Variants in EXOC6 observed in about 807,000 individuals in gnomAD.
EXOC6 encodes SEC15-like 1.
Under a neutral mutation model 112.5 loss-of-function variants are expected in EXOC6, and 60 were observed. That is an observed-to-expected ratio of 0.53 (90% CI 0.43 to 0.66). EXOC6 has a LOEUF of 0.66. Among genes scored for constraint, EXOC6 ranks in the 30% least tolerant of loss-of-function variants. EXOC6 has a pLI of 0.00. For synonymous variants in EXOC6, 295 were observed against 308.0 expected (o/e 0.96, Z 0.44); for missense variants, 855 against 957.1 (o/e 0.89, Z 1.41).
At chr10:93,052,425 T>G (rs1846340853) in intron 20 of EXOC6, among the ~76,000 whole-genome samples, 1 of 152,232 alleles carries the variant, frequency 6.6e-6, no homozygotes, top group African/African-American at 2.4e-5. Flanking sequence ...ACCACCCATG[T>G]AACACTTCTT....
intron 19 of EXOC6, among the ~76,000 whole-genome samples, chr10:93,003,739 A>G (rs1843858586): frequency 6.6e-6 from 1 of 152,172 alleles, no homozygotes; most frequent in African/African-American, 2.4e-5. Context: ...AATATGTATT[A>G]TGTGTAGAGA....
chr10:93,041,694 G>C (rs565803871), intron 20 of EXOC6, among the ~76,000 whole-genome samples: 46 of 152,070 alleles, frequency 3.0e-4, no homozygotes, highest in Admixed American at 4.6e-4. Flanking sequence ...GATTACAGGC[G>C]TGAGCCACCG....
chr10:93,027,460 T>C (rs1265509521), intron 20 of EXOC6, among the ~76,000 whole-genome samples: 1 of 152,242 alleles, frequency 6.6e-6, no homozygotes, highest in Non-Finnish European at 1.5e-5. Context: ...AGGTATCAAC[T>C]ATGACTTTCA....
Position 93,015,603 on chromosome 10 carries a change from C to G in EXOC6, c.2169+1336C>G, listed in dbSNP as rs1180782039. On this transcript the variant is annotated intron_variant, in intron 20 of 21. Coordinates refer to ENST00000260762, the MANE Select transcript of EXOC6 (RefSeq NM_019053.6). ...AAAAAATTAGCTGTGCGTGGTGGCACATGCCTGTAGTCCCAGCTACTGGGG... is the reference window on the plus strand; with the variant it reads ...AAAAAATTAGCTGTGCGTGGTGGCAGATGCCTGTAGTCCCAGCTACTGGGG... Among the ~76,000 whole-genome samples the G allele has an allele frequency of 5.3e-5, 8 of 152,242 alleles. No individual in the cohort carries two copies. In the East Asian group the frequency reaches 9.7e-4, roughly 18 times the overall value.
At chr10:92,875,317 T>A (rs1005130729) in intron 1 of EXOC6, among the ~76,000 whole-genome samples, 16 of 152,182 alleles carry the variant, frequency 1.1e-4, no homozygotes, top group Admixed American at 9.2e-4. Context: ...ATTCTCCTAT[T>A]TCCTCCACGA....
At chr10:92,884,426 C>A (rs573552255) in intron 1 of EXOC6, among the ~76,000 whole-genome samples, 1 of 152,276 alleles carries the variant, frequency 6.6e-6, no homozygotes, top group Non-Finnish European at 1.5e-5. Flanking sequence ...ATTTTAATGG[C>A]AATTGCTCTA....
intron 1 of EXOC6, among the ~76,000 whole-genome samples, chr10:92,842,360 GAAAAAAAAA>G (rs34778339): frequency 9.3e-6 from 1 of 107,138 alleles, no homozygotes; most frequent in African/African-American, 3.5e-5. Flanking sequence ...CTCTGTCTCA[GAAAAAAAAA>G]AAAAAAAAAG....
intron 20 of EXOC6, among the ~76,000 whole-genome samples, chr10:93,022,978 T>G (rs835259): frequency 0.64 from 95,508 of 149,668 alleles, 33,262 homozygotes; most frequent in East Asian, 0.99. Context: ...TTGGGGTTCT[T>G]CACTTTTCCT....
chr10:92,919,845 A>G (rs193272855), intron 7 of EXOC6, 137 bp from the exon 8 acceptor site: 154 of 538,706 alleles, frequency 2.9e-4, no homozygotes, highest in African/African-American at 2.8e-3. Context: ...TTTATAGTGT[A>G]TGCTTTCTAT....
chr10:93,028,981 AC>A (rs1487435663), intron 20 of EXOC6, among the ~76,000 whole-genome samples: 1 of 152,156 alleles, frequency 6.6e-6, no homozygotes, highest in African/African-American at 2.4e-5. Flanking sequence ...CTTCAGAGAT[AC>A]CTTTTGTGAA....
At chr10:92,892,426 A>G (rs763167352) in intron 1 of EXOC6, among the ~76,000 whole-genome samples, 10 of 152,224 alleles carry the variant, frequency 6.6e-5, no homozygotes, top group Non-Finnish European at 1.5e-4. Flanking sequence ...TTTGATATCC[A>G]GGAATTTTAT....
intron 18 of EXOC6, among the ~76,000 whole-genome samples, chr10:92,983,356 T>C (rs1054889559): frequency 3.3e-5 from 5 of 152,186 alleles, no homozygotes; most frequent in Admixed American, 2.0e-4. Flanking sequence ...GTTTTATTTC[T>C]TCTGGTGGTT....
Position 92,895,342 on chromosome 10 carries a change from C to G in EXOC6, c.412+322C>G, listed in dbSNP as rs1272351031. Among the ~76,000 whole-genome samples, 13 of 152,136 alleles carry G rather than the reference C, an allele frequency of 8.5e-5. 1 individual carries two copies. The highest frequency in any genetic ancestry group is 8.5e-4 in the Admixed American group (13 of 15,266). ...CGGAATACTTTCCCATGGGGAGAGTCTTTTGGTTACATTTTCTCACCTTTA... is the reference window on the plus strand; with the variant it reads ...CGGAATACTTTCCCATGGGGAGAGTGTTTTGGTTACATTTTCTCACCTTTA... On this transcript the variant is annotated intron_variant, in intron 4 of 21. Transcript: ENST00000260762.
chr10:93,044,236 CAA>C (rs1413675173), intron 20 of EXOC6, among the ~76,000 whole-genome samples: 1 of 152,078 alleles, frequency 6.6e-6, no homozygotes, highest in Non-Finnish European at 1.5e-5. Context: ...TTATACGTGA[CAA>C]AAGGTAATTA....
intron 1 of EXOC6, among the ~76,000 whole-genome samples, chr10:92,839,676 C>T (rs2133584506): frequency 6.6e-6 from 1 of 152,258 alleles, no homozygotes; most frequent in East Asian, 1.9e-4. Flanking sequence ...TGGGGTCCTG[C>T]AGGTGTGTTG....
At chr10:92,829,851 T>C (rs751695627), upstream of EXOC6, among the ~76,000 whole-genome samples, 14 of 152,032 alleles carry the variant, frequency 9.2e-5, no homozygotes, top group Admixed American at 5.2e-4. Flanking sequence ...CTTCTGATCA[T>C]CCTCACTGCT....
chr10:92,983,130 C>A (rs1278226145), intron 18 of EXOC6, among the ~76,000 whole-genome samples: 2 of 152,174 alleles, frequency 1.3e-5, no homozygotes, highest in African/African-American at 4.8e-5. Context: ...ATTGTGAAAG[C>A]AGACAAATTA....
At chr10:93,017,690 A>C (rs1350943715) in intron 20 of EXOC6, among the ~76,000 whole-genome samples, 2 of 151,946 alleles carry the variant, frequency 1.3e-5, no homozygotes, top group Admixed American at 6.6e-5. Context: ...CATGTAACCA[A>C]AACCACTTAT....
chr10:92,894,076 T>A (rs1460860226), intron 2 of EXOC6, among the ~76,000 whole-genome samples: 1 of 152,172 alleles, frequency 6.6e-6, no homozygotes, highest in African/African-American at 2.4e-5. Flanking sequence ...TTTATCTTTC[T>A]TTACGTTTAG....
Sources: gnomAD v4.1 joint callset for allele counts (sites outside exome capture counted in the v4.1 genomes callset) on GRCh38, gnomAD v4.1.1 for gene constraint, MANE v1.5 for transcripts, NCBI Gene and HGNC (gene_info 2026-07-23, HGNC 2026-07-21) for gene names.